The following MAEA variants were observed in gnomAD, a reference collection of about 807,000 sequenced individuals.
MAEA encodes E3 ubiquitin-protein transferase MAEA.
MAEA carries 22 observed loss-of-function variants against 46.2 expected under a neutral mutation model. The observed-to-expected ratio is 0.48, with a 90% confidence interval of 0.34 to 0.68. The LOEUF (loss-of-function observed/expected upper bound fraction) is 0.68, where lower values mean the gene tolerates loss of function less well. Among genes scored for constraint, MAEA ranks in the 30% least tolerant of loss-of-function variants. MAEA has a pLI of 0.01. For missense variants in MAEA, 393 were observed against 558.1 expected, an observed-to-expected ratio of 0.70 and a Z score of 2.98; for synonymous variants, 246 against 222.6, an observed-to-expected ratio of 1.11 and a Z score of -0.94.
intron 4 of MAEA, among the ~76,000 whole-genome samples, chr4:1,325,850 A>G (rs953229790): frequency 4.6e-5 from 7 of 151,412 alleles, no homozygotes; most frequent in African/African-American, 1.7e-4. Flanking sequence ...CAAGCCTGGC[A>G]CTCCCCACCC....
rs2109001498 is a variant in MAEA at position 1,332,816 on chromosome 4, C to T, written c.716C>T (p.Ala239Val). ...EGSQLDEVRQ[A>V]MGMLAFPPDT... ...AGCCAGCTGGACGAGGTGCGCCAGG[C>T]CATGGGCATGCTGGCCTTCCCGCCC... Residue 239 changes from alanine (A) to valine (V), a missense_variant, in exon 6 of 9, where the codon GCC becomes GTC. Ala to Val is a moderately conservative substitution (Grantham distance 64). Transcript: ENST00000303400. 11 of 1,613,308 alleles carry T rather than the reference C, an allele frequency of 6.8e-6. No individual in the cohort carries two copies. The highest frequency in any genetic ancestry group is 4.5e-5 in the East Asian group (2 of 44,862).
At chr4:1,309,962 C>T in intron 1 of MAEA, 1 of 1,250,338 alleles carries the variant, frequency 8.0e-7, no homozygotes, top group Non-Finnish European at 1.0e-6. Context: ...TCCAGAGAGG[C>T]CTTTCCTTTT....
chr4:1,308,292 T>G (rs1192728119), intron 1 of MAEA, among the ~76,000 whole-genome samples: 2 of 152,234 alleles, frequency 1.3e-5, no homozygotes, highest in African/African-American at 2.4e-5. Flanking sequence ...CACTATCACC[T>G]GCACGGTCTG....
intron 1 of MAEA, among the ~76,000 whole-genome samples, chr4:1,304,085 C>T (rs1354069083): frequency 2.0e-5 from 3 of 152,082 alleles, no homozygotes; most frequent in Non-Finnish European, 1.5e-5. Context: ...TCAAACCCCA[C>T]GCACCCTCCT....
chr4:1,290,257 T>G (rs1438265445), intron 1 of MAEA, among the ~76,000 whole-genome samples: 1 of 151,476 alleles, frequency 6.6e-6, no homozygotes, highest in Admixed American at 6.6e-5. Flanking sequence ...GCGCTAAGGG[T>G]GGCGAATTTG....
intron 7 of MAEA, 115 bp downstream of exon 7, chr4:1,337,109 G>A (rs1004092439): frequency 3.1e-6 from 4 of 1,308,312 alleles, no homozygotes; most frequent in African/African-American, 1.5e-5. Context: ...AGACAGCCCC[G>A]AGCTCCCGTG....
At chr4:1,317,282 C>T (rs190373078) in intron 3 of MAEA, among the ~76,000 whole-genome samples, 1 of 142,004 alleles carries the variant, frequency 7.0e-6, no homozygotes, top group East Asian at 2.1e-4. Context: ...ACTCCAGACT[C>T]ACCTGCAGGC....
chr4:1,317,836 G>A lies in MAEA; in HGVS notation c.456+2236G>A, dbSNP rs368995826. Among the ~76,000 whole-genome samples, 95 of 152,286 alleles carry A rather than the reference G, an allele frequency of 6.2e-4. 2 individuals carry two copies. The South Asian group carries it at 0.014, about 23-fold the overall frequency. The stretch of plus-strand genomic sequence containing the variant: ...TGCCCTGCAGTCTTGTTGAGTTTCC[G>A]AAGTCTCCAGGTCATGACTCGCAGC... On this transcript the variant is annotated intron_variant, in intron 3 of 8. Coordinates refer to ENST00000303400, the MANE Select transcript of MAEA (RefSeq NM_001017405.3).
At chr4:1,322,342 C>A in intron 3 of MAEA, 39 bp from the exon 4 acceptor site, 1 of 1,608,502 alleles carries the variant, frequency 6.2e-7, no homozygotes, top group Non-Finnish European at 8.5e-7. Flanking sequence ...GGGCCTTGAG[C>A]CAGCACATTC....
intron 1 of MAEA, chr4:1,309,748 C>A (rs1447294037): frequency 6.7e-7 from 1 of 1,501,048 alleles, no homozygotes; most frequent in East Asian, 2.5e-5. Context: ...TGCCTGCGTT[C>A]TGCGTAACCG....
rs1224682228 is a variant in MAEA at position 1,289,976 on chromosome 4, C to T, written c.63C>T (p.Thr21=). The T allele has an allele frequency of 1.9e-6, 3 of 1,591,632 alleles. No individual in the cohort carries two copies. Among genetic ancestry groups the T allele is most frequent in the Non-Finnish European group, 2.6e-6 (3 of 1,169,366 alleles). Residue 21 remains threonine (T), a synonymous_variant, in exon 1 of 9, where the codon ACC becomes ACT. Transcript: ENST00000303400. The part of the protein sequence containing the change: ...SMTLKVQEYP[T]LKVPYETLNK... ...CCCTGAAGGTCCAGGAGTACCCGAC[C>T]CTCAAGGTGGGCGCCTGCGCCGCGC...
At chr4:1,292,829 G>A (rs990314017) in intron 1 of MAEA, among the ~76,000 whole-genome samples, 5 of 151,932 alleles carry the variant, frequency 3.3e-5, no homozygotes, top group African/African-American at 9.7e-5. Flanking sequence ...AACGCCGTCC[G>A]GTGTAGGGTG....
At chr4:1,322,213 C>G (rs1291713248) in intron 3 of MAEA, among the ~76,000 whole-genome samples, 168 bp from the exon 4 acceptor site, 11 of 152,152 alleles carry the variant, frequency 7.2e-5, no homozygotes, top group Admixed American at 7.2e-4. Flanking sequence ...CCTAGGATCT[C>G]AGAGCGGCCC....
chr4:1,327,356 G>GC (rs1037948359), intron 4 of MAEA, among the ~76,000 whole-genome samples: 1 of 152,246 alleles, frequency 6.6e-6, no homozygotes, highest in African/African-American at 2.4e-5. Flanking sequence ...GAGCGCCCTG[G>GC]CCTTCGGGTT....
At chr4:1,318,087 C>T (rs747030030) in intron 3 of MAEA, among the ~76,000 whole-genome samples, 3 of 152,192 alleles carry the variant, frequency 2.0e-5, no homozygotes, top group Non-Finnish European at 4.4e-5. Context: ...CCCACCCACC[C>T]GCCTCCCTGG....
intron 3 of MAEA, 108 bp from the exon 4 acceptor site, chr4:1,322,273 G>A (rs1204804010): frequency 4.8e-6 from 7 of 1,458,810 alleles, no homozygotes; most frequent in African/African-American, 1.4e-5. Context: ...GATGCATCTC[G>A]AGTGGTGGCC....
chr4:1,296,570 T>C (rs1270256261), intron 1 of MAEA, among the ~76,000 whole-genome samples: 1 of 151,290 alleles, frequency 6.6e-6, no homozygotes, highest in African/African-American at 2.4e-5. Flanking sequence ...TGTTGGTCGG[T>C]TTTCCCATTG....
Position 1,315,598 on chromosome 4 carries a change from G to A in MAEA, c.454G>A (p.Glu152Lys), listed in dbSNP as rs372148328. 2.2e-4 allele frequency: 356 copies of A among 1,612,568 alleles called. No homozygotes were observed. The highest frequency in any genetic ancestry group is 2.9e-4 in the Non-Finnish European group (341 of 1,179,630). The change falls in exon 3 of 9, where the codon GAG becomes AAG. Residue 152 changes from glutamate to lysine, a missense_variant and splice_region_variant. This residue lies in a region of MAEA where 358 missense variants were observed against 537.9 expected (regional missense o/e 0.67). Transcript: ENST00000303400. Reference protein sequence around the residue: ...AVKLARQSGIEDLVNIEMFLT... With the variant: ...AVKLARQSGIKDLVNIEMFLT... ...CAAGCTGGCGCGCCAGAGCGGCATCGAGGTGGGTGCCCGCCAGACGCAGGC... is the reference window on the plus strand; with the variant it reads ...CAAGCTGGCGCGCCAGAGCGGCATCAAGGTGGGTGCCCGCCAGACGCAGGC...
intron 3 of MAEA, among the ~76,000 whole-genome samples, chr4:1,316,241 G>C (rs1220838908): frequency 6.6e-6 from 1 of 152,200 alleles, no homozygotes; most frequent in Admixed American, 6.5e-5. Flanking sequence ...CTACAGCTGA[G>C]CAGACGCTGG....
Sources: gnomAD v4.1 joint callset for allele counts (sites outside exome capture counted in the v4.1 genomes callset) on GRCh38, gnomAD v4.1.1 for gene constraint, gnomAD v4.1.1 regional missense constraint, MANE v1.5 for transcripts, NCBI Gene and HGNC (gene_info 2026-07-23, HGNC 2026-07-21) for gene names.